KLF7: variants seen among roughly 807,000 people sequenced by gnomAD.
KLF7 encodes Krueppel-like factor 7.
KLF7 carries 2 observed loss-of-function variants against 27.3 expected under a neutral mutation model. The observed-to-expected ratio is 0.07, with a 90% CI of 0.03 to 0.23. The LOEUF is 0.23. Ranked by LOEUF, KLF7 falls within the 10% of genes least tolerant of loss-of-function variation. The pLI, the probability that KLF7 is intolerant of heterozygous loss-of-function variation, is 1.00. For synonymous variants in KLF7, 165 were observed against 162.4 expected (o/e 1.02, Z -0.12); for missense variants, 221 against 394.1 (o/e 0.56, Z 3.72).
intron 1 of KLF7, among the ~76,000 whole-genome samples, chr2:207,161,246 A>G (rs1212046653): frequency 6.6e-6 from 1 of 152,238 alleles, no homozygotes; most frequent in South Asian, 2.1e-4. Flanking sequence ...CTTCATAAAG[A>G]TAAATTCTGG....
intron 2 of KLF7, among the ~76,000 whole-genome samples, chr2:207,101,159 G>C (rs1204733117): frequency 6.6e-6 from 1 of 152,278 alleles, no homozygotes; most frequent in South Asian, 2.1e-4. Context: ...CTAACTCACC[G>C]GCAATGAAAG....
chr2:207,096,563 A>C (rs1330355115), intron 2 of KLF7, among the ~76,000 whole-genome samples: 1 of 152,226 alleles, frequency 6.6e-6, no homozygotes, highest in Non-Finnish European at 1.5e-5. Context: ...AAAAAGCAGC[A>C]CATACCAAGG....
intron 2 of KLF7, among the ~76,000 whole-genome samples, chr2:207,119,613 G>C (rs1486875049): frequency 6.6e-6 from 1 of 152,118 alleles, no homozygotes; most frequent in Non-Finnish European, 1.5e-5. Context: ...AGGAGAGAAA[G>C]GTCTGCAATG....
chr2:207,103,182 C>A (rs578140338), intron 2 of KLF7, among the ~76,000 whole-genome samples: 29 of 152,338 alleles, frequency 1.9e-4, no homozygotes, highest in African/African-American at 6.7e-4. Context: ...CCTGTCTTGG[C>A]CTCCCAAACT....
intron 2 of KLF7, chr2:207,110,174 A>C (rs2076994610): frequency 6.5e-6 from 1 of 154,810 alleles, no homozygotes; most frequent in African/African-American, 2.4e-5. Context: ...CCATTAGATA[A>C]GGCAATTTAA....
At chr2:207,162,963 T>C (rs1197982907) in intron 1 of KLF7, among the ~76,000 whole-genome samples, 2 of 152,236 alleles carry the variant, frequency 1.3e-5, no homozygotes, top group East Asian at 1.9e-4. Context: ...AGAAACCCTG[T>C]TGAGCTGTTT....
chr2:207,162,183 TATG>T (rs891076358), intron 1 of KLF7, among the ~76,000 whole-genome samples: 1 of 152,204 alleles, frequency 6.6e-6, no homozygotes, highest in African/African-American at 2.4e-5. Flanking sequence ...AAAAAAAGAT[TATG>T]ATTTCTATTG....
chr2:207,130,999 T>C (rs556137249), intron 1 of KLF7, among the ~76,000 whole-genome samples: 93 of 152,192 alleles, frequency 6.1e-4, no homozygotes, highest in Non-Finnish European at 1.1e-3. Flanking sequence ...GCCCTTAATC[T>C]CAGTCATTCC....
chr2:207,076,271 A>G lies in KLF7; in HGVS notation c.*4942T>C, dbSNP rs1357987559. ...GCTCACAGTTGAAAAAAAATTGTATAAACAGTCCCCAACAAAGAACATTAT... is the reference window on the plus strand; with the variant it reads ...GCTCACAGTTGAAAAAAAATTGTATGAACAGTCCCCAACAAAGAACATTAT... On this transcript the variant is annotated 3_prime_UTR_variant, in exon 4 of 4. Coordinates refer to ENST00000309446, the MANE Select transcript of KLF7 (RefSeq NM_003709.4). 6.6e-6 allele frequency: 1 copy of G among 152,150 alleles called. No homozygotes were observed. The highest frequency in any genetic ancestry group is 1.5e-5 in the Non-Finnish European group (1 of 68,014). 9.4% of individuals were successfully genotyped at this position (152,150 alleles called of 1,614,324 possible).
chr2:207,075,402 A>G lies in KLF7; in HGVS notation c.*5811T>C, dbSNP rs2076157124. On this transcript the variant is annotated 3_prime_UTR_variant, in exon 4 of 4. Transcript: ENST00000309446. ...AAATAAAATGTCAAAAAAAGGCATA[A>G]CCGAGGGCTATAAGACTGGGTACTT... The G allele has an allele frequency of 6.6e-6, 1 of 151,412 alleles. No individual in the cohort carries two copies. The highest frequency in any genetic ancestry group is 2.4e-5 in the African/African-American group (1 of 41,274). The allele number at this position is 151,412 out of a possible 1,614,324, so 9.4% of individuals were successfully genotyped here. A position where few individuals can be genotyped will look rare whatever the true frequency, so the allele number is the denominator to read the frequency against.
intron 1 of KLF7, among the ~76,000 whole-genome samples, chr2:207,153,858 A>C (rs1574579230): frequency 6.6e-6 from 1 of 152,330 alleles, no homozygotes; most frequent in South Asian, 2.1e-4. Flanking sequence ...CTAAGAAAAC[A>C]CAAATATATA....
chr2:207,151,525 C>T (rs898485743), intron 1 of KLF7, among the ~76,000 whole-genome samples: 2 of 152,008 alleles, frequency 1.3e-5, no homozygotes, highest in Admixed American at 6.6e-5. Context: ...AAAAGGCAGG[C>T]GCATCTTGGG....
At chr2:207,163,854 T>C (rs769663368) in intron 1 of KLF7, among the ~76,000 whole-genome samples, 2 of 152,128 alleles carry the variant, frequency 1.3e-5, no homozygotes, top group Non-Finnish European at 1.5e-5. Context: ...TTAATTAGCA[T>C]TGGAAATAAA....
intron 1 of KLF7, among the ~76,000 whole-genome samples, chr2:207,159,574 G>C (rs533978016): frequency 1.3e-5 from 2 of 152,204 alleles, no homozygotes; most frequent in East Asian, 3.9e-4. Flanking sequence ...ACAGTATTAT[G>C]CACATAAAAA....
At chr2:207,160,540 A>T (rs1422535265) in intron 1 of KLF7, among the ~76,000 whole-genome samples, 1 of 152,244 alleles carries the variant, frequency 6.6e-6, no homozygotes, top group Non-Finnish European at 1.5e-5. Context: ...GAATCAGACC[A>T]GCTATCCTAT....
At chr2:207,105,086 A>G (rs1371093670) in intron 2 of KLF7, among the ~76,000 whole-genome samples, 2 of 152,300 alleles carry the variant, frequency 1.3e-5, no homozygotes, top group East Asian at 3.9e-4. Flanking sequence ...TAACAACTTT[A>G]CCAGCATTTT....
At chr2:207,131,931 T>C (rs1178243782) in intron 1 of KLF7, among the ~76,000 whole-genome samples, 1 of 152,070 alleles carries the variant, frequency 6.6e-6, no homozygotes, top group African/African-American at 2.4e-5. Context: ...ACATTATAAA[T>C]AGGCTTGAGG....
intron 2 of KLF7, among the ~76,000 whole-genome samples, chr2:207,113,579 C>T (rs2077093006): frequency 7.5e-6 from 1 of 133,544 alleles, no homozygotes; most frequent in African/African-American, 2.9e-5. Context: ...AGCCAATTAC[C>T]CTCCAGAATA....
chr2:207,132,549 G>C (rs1376074252), intron 1 of KLF7, among the ~76,000 whole-genome samples: 1 of 152,220 alleles, frequency 6.6e-6, no homozygotes, highest in Non-Finnish European at 1.5e-5. Context: ...TGGAGGGGGA[G>C]AAAGGAGACA....
Sources: gnomAD v4.1 joint callset for allele counts (sites outside exome capture counted in the v4.1 genomes callset) on GRCh38, gnomAD v4.1.1 for gene constraint, MANE v1.5 for transcripts, NCBI Gene and HGNC (gene_info 2026-07-23, HGNC 2026-07-21) for gene names.